MAP7D1: variants seen among roughly 807,000 people sequenced by gnomAD.
MAP7D1 encodes MAP7 domain-containing protein 1.
In MAP7D1, 30 loss-of-function variants were observed where a neutral mutation model predicts 97.5. The ratio of observed to expected loss-of-function variants is 0.31; its 90% CI spans 0.23 to 0.42. The LOEUF (loss-of-function observed/expected upper bound fraction) is 0.42, where lower values mean the gene tolerates loss of function less well. Ranked by LOEUF, MAP7D1 falls within the 10% of genes least tolerant of loss-of-function variation. The pLI, the probability that MAP7D1 is intolerant of heterozygous loss-of-function variation, is 1.00. For missense variants in MAP7D1, 1,184 were observed against 1,179.5 expected (o/e 1.00, Z -0.06); for synonymous variants, 536 against 477.1 (o/e 1.12, Z -1.61).
chr1:36,156,948 C>T (rs1644341136), intron 1 of MAP7D1, among the ~76,000 whole-genome samples: 2 of 152,264 alleles, frequency 1.3e-5, no homozygotes, highest in Admixed American at 1.3e-4. Flanking sequence ...ACCCTCAGGC[C>T]CTGGCCCAGA....
intron 1 of MAP7D1, among the ~76,000 whole-genome samples, chr1:36,166,028 C>A (rs1326244546): frequency 6.6e-6 from 1 of 152,156 alleles, no homozygotes; most frequent in Non-Finnish European, 1.5e-5. Flanking sequence ...CCGCTCCCAG[C>A]CCAGTTTGTA....
In MAP7D1 at chr1:36,179,044, G is replaced by T. The variant is rs1342583380; in HGVS notation, c.2130+19G>T. ...CAGAAAGGTGTGCGGACCTGGGCGG[G>T]GATTTGTGGGCGGGGCCTGGGCAGG... On this transcript the variant is annotated intron_variant, in intron 12 of 16. Coordinates refer to ENST00000474796, the MANE Select transcript of MAP7D1 (RefSeq NM_001388490.1). The T allele has an allele frequency of 1.0e-5, 16 of 1,547,194 alleles. 1 individual carries two copies. The highest frequency in any genetic ancestry group is 8.2e-5 in the African/African-American group (6 of 72,946).
intron 1 of MAP7D1, among the ~76,000 whole-genome samples, chr1:36,167,731 C>T (rs766792203): frequency 1.3e-5 from 2 of 148,466 alleles, no homozygotes; most frequent in Non-Finnish European, 3.0e-5. Flanking sequence ...GCATCTGATG[C>T]CTGGGTGCAG....
chr1:36,171,900 C>T (rs1388007619), intron 3 of MAP7D1: 1 of 155,462 alleles, frequency 6.4e-6, no homozygotes, highest in Non-Finnish European at 1.3e-5. Context: ...TGCCATTGCA[C>T]TCCAGTCTGG....
At chr1:36,179,093 G>A in intron 12 of MAP7D1, 68 bp downstream of exon 12, 1 of 1,517,180 alleles carries the variant, frequency 6.6e-7, no homozygotes, top group Non-Finnish European at 8.9e-7. Context: ...GCGGGGCCTG[G>A]GCTTAGAGCG....
chr1:36,174,816 A>G, intron 5 of MAP7D1, 82 bp from the exon 6 acceptor site: 2 of 519,928 alleles, frequency 3.8e-6, no homozygotes. Context: ...CCGCCCTCGG[A>G]GCATCCTGCA....
intron 1 of MAP7D1, among the ~76,000 whole-genome samples, chr1:36,161,877 ATGTGTGTGTGTG>A (rs10531948): frequency 1.4e-5 from 2 of 139,040 alleles, no homozygotes; most frequent in African/African-American, 5.6e-5. Context: ...GTGTGTGTGT[ATGTGTGTGTGTG>A]TGTGTGTGTG....
intron 9 of MAP7D1, 83 bp downstream of exon 9, chr1:36,178,284 C>T: frequency 6.8e-7 from 1 of 1,477,190 alleles, no homozygotes; most frequent in Non-Finnish European, 9.0e-7. Flanking sequence ...CCAGAGATGC[C>T]TGAGGACTGG....
At position 36,177,910 on chromosome 1, in the gene MAP7D1, T is replaced by A. The variant is rs748578351; in HGVS notation, c.1417T>A (p.Ser473Thr). 1 of 1,554,544 alleles carries A rather than the reference T, an allele frequency of 6.4e-7. No individual in the cohort carries two copies. The highest frequency in any genetic ancestry group is 1.9e-5 in the Admixed American group (1 of 51,528). Reference protein sequence around the residue: ...SKARPSSPSTSWHRPASPCPS... With the variant: ...SKARPSSPSTTWHRPASPCPS... ...GGCCAGGCCATCCTCTCCCTCCACATCCTGGCACAGGCCTGCCTCCCCCTG... is the reference window on the plus strand; with the variant it reads ...GGCCAGGCCATCCTCTCCCTCCACAACCTGGCACAGGCCTGCCTCCCCCTG... Residue 473 changes from serine to threonine, a missense_variant, in exon 9 of 17, where the codon TCC (serine) becomes ACC (threonine). Transcript: ENST00000474796.
intron 8 of MAP7D1, chr1:36,177,632 C>T: frequency 1.3e-6 from 1 of 747,690 alleles, no homozygotes; most frequent in East Asian, 2.7e-5. Context: ...GGTTTTTTCT[C>T]TTATTAAGCT....
At chr1:36,178,641 G>A (rs1178241531) in intron 10 of MAP7D1, 44 bp from the exon 11 acceptor site, 2 of 1,540,326 alleles carry the variant, frequency 1.3e-6, no homozygotes, top group African/African-American at 1.4e-5. Flanking sequence ...GGGCGCTGGA[G>A]AAGAAGCAGA....
At position 36,159,218 on chromosome 1, in the gene MAP7D1, C is replaced by T. The variant is rs560343202; in HGVS notation, c.46+2755C>T. ...GATTACAGGCGCCTGCCACCGCGCC[C>T]GGCTAATTTTTGTATTTTTAGTAGA... On this transcript the variant is annotated intron_variant, in intron 1 of 16. Transcript: ENST00000474796. The surrounding 1 kb of genome is among the most constrained non-coding windows in gnomAD (Gnocchi z 5.4). Among the ~76,000 whole-genome samples, 3 of 152,148 alleles carry T rather than the reference C, an allele frequency of 2.0e-5. No homozygotes were observed. Among genetic ancestry groups the T allele is most frequent in the Admixed American group, 6.5e-5 (1 of 15,278 alleles).
Position 36,176,564 on chromosome 1 carries a change from C to T in MAP7D1, c.1216C>T (p.Arg406Trp), listed in dbSNP as rs780617848. The T allele has an allele frequency of 3.8e-5, 56 of 1,482,738 alleles. No homozygotes were observed. The highest frequency in any genetic ancestry group is 4.9e-5 in the Non-Finnish European group (55 of 1,117,892). 91.8% of individuals were successfully genotyped at this position (1,482,738 alleles called of 1,614,324 possible). Residue 406 changes from arginine (R) to tryptophan (W), a missense_variant, in exon 7 of 17, where the codon CGG becomes TGG. By Grantham distance (101) the Arg-to-Trp change is moderately radical. Coordinates refer to ENST00000474796, the MANE Select transcript of MAP7D1 (RefSeq NM_001388490.1). The surrounding 1 kb of genome is among the most constrained non-coding windows in gnomAD (Gnocchi z 6.1). Reference protein sequence around the residue: ...AGGSPAPVRRRPEASPVQKKE... With the variant: ...AGGSPAPVRRWPEASPVQKKE... ...GGGCAGCCCCGCTCCGGTGCGCCGC[C>T]GGCCGGAGGCCTCGCCGGTGAGTGG...
chr1:36,178,667 G>A lies in MAP7D1; in HGVS notation c.1887-18G>A, dbSNP rs1267038438. On this transcript the variant is annotated intron_variant, in intron 10 of 16. Coordinates refer to ENST00000474796, the MANE Select transcript of MAP7D1 (RefSeq NM_001388490.1). ...AAGAAGCAGAGGCCGAGCCTGAGCC[G>A]TTTGCTCCGTCCCCCAGGCGAATGC... 1 of 1,528,976 alleles carries A rather than the reference G, an allele frequency of 6.5e-7. No homozygotes were observed. Among genetic ancestry groups the A allele is most frequent in the Non-Finnish European group, 8.8e-7 (1 of 1,137,954 alleles). 94.7% of individuals were successfully genotyped at this position (1,528,976 alleles called of 1,614,324 possible).
chr1:36,170,714 C>T (rs1342013445), intron 1 of MAP7D1, among the ~76,000 whole-genome samples: 3 of 152,216 alleles, frequency 2.0e-5, no homozygotes, highest in African/African-American at 7.2e-5. Flanking sequence ...CTGCCCCAGA[C>T]ATAGTATTTA....
chr1:36,176,442 C>T lies in MAP7D1; in HGVS notation c.1094C>T (p.Ala365Val). ...GCCGTGCCGGTGTGCCCGCGCTCGG[C>T]CTCCGCCAGCCCCCTGACGCCGTGC... ...SAAVPVCPRS[A>V]SASPLTPCSV... Residue 365 changes from alanine (A) to valine (V), a missense_variant, in exon 7 of 17, where the codon GCC becomes GTC. Coordinates refer to ENST00000474796, the MANE Select transcript of MAP7D1 (RefSeq NM_001388490.1). The surrounding 1 kb of genome is among the most constrained non-coding windows in gnomAD (Gnocchi z 6.1). 3 of 1,515,618 alleles carry T rather than the reference C, an allele frequency of 2.0e-6. No individual in the cohort carries two copies. The highest frequency in any genetic ancestry group is 2.6e-6 in the Non-Finnish European group (3 of 1,140,516). The allele number at this position is 1,515,618 out of a possible 1,614,324, so 93.9% of individuals were successfully genotyped here.
rs761010952 is a variant in MAP7D1, at chr1:36,176,491, C to G, written c.1143C>G (p.Arg381=). 5.1e-6 allele frequency: 7 copies of G among 1,385,698 alleles called. No homozygotes were observed. Among genetic ancestry groups the G allele is most frequent in the Non-Finnish European group, 6.5e-6 (7 of 1,071,882 alleles). 85.8% of individuals were successfully genotyped at this position (1,385,698 alleles called of 1,614,324 possible). A position where few individuals can be genotyped will look rare whatever the true frequency, so the allele number is the denominator to read the frequency against. ...TPCSVTRSVH[R]CAPAGERGER... ...GCAGCGTCACCCGAAGCGTGCACCGCTGCGCCCCCGCCGGTGAGCGCGGGG... is the reference window on the plus strand; with the variant it reads ...GCAGCGTCACCCGAAGCGTGCACCGGTGCGCCCCCGCCGGTGAGCGCGGGG... The change falls in exon 7 of 17, where the codon CGC becomes CGG. Residue 381 remains arginine (R), a synonymous_variant. Coordinates refer to ENST00000474796, the MANE Select transcript of MAP7D1 (RefSeq NM_001388490.1). The surrounding 1 kb of genome is among the most constrained non-coding windows in gnomAD (Gnocchi z 6.1).
rs200491559 is a variant in MAP7D1, at chr1:36,176,573, G to T, written c.1225G>T (p.Ala409Ser). The change falls in exon 7 of 17, where the codon GCC (alanine) becomes TCC (serine). Residue 409 changes from alanine to serine, a missense_variant. Transcript: ENST00000474796. The surrounding 1 kb of genome is among the most constrained non-coding windows in gnomAD (Gnocchi z 6.1). ...CGCTCCGGTGCGCCGCCGGCCGGAG[G>T]CCTCGCCGGTGAGTGGCTCTACTGG... is the stretch of plus-strand genomic sequence containing the variant. ...SPAPVRRRPE[A>S]SPVQKKEKKD... is the part of the protein sequence containing the mutation. The T allele has an allele frequency of 7.5e-4, 1,130 of 1,505,428 alleles. 8 individuals are homozygous for T. In the African/African-American group the frequency reaches 0.015, roughly 20 times the overall value. 93.3% of individuals were successfully genotyped at this position (1,505,428 alleles called of 1,614,324 possible). A position where few individuals can be genotyped will look rare whatever the true frequency, so the allele number is the denominator to read the frequency against.
chr1:36,179,135 A>G, intron 12 of MAP7D1, 110 bp downstream of exon 12: 1 of 1,487,180 alleles, frequency 6.7e-7, no homozygotes, highest in Non-Finnish European at 9.2e-7. Flanking sequence ...GGCAAATTCC[A>G]GTTCCTGTCC....
Sources: allele counts gnomAD v4.1 joint callset (sites outside exome capture counted in the v4.1 genomes callset), GRCh38; gene constraint gnomAD v4.1.1; non-coding constraint Gnocchi (gnomAD v3.1); transcripts MANE v1.5; gene names NCBI Gene and HGNC (gene_info 2026-07-23, HGNC 2026-07-21).